THRAP3: variants seen among roughly 807,000 people sequenced by gnomAD.
The protein encoded by THRAP3 is thyroid hormone receptor associated protein 3, also known as thyroid hormone receptor-associated protein 3.
Under a neutral mutation model 101.0 loss-of-function variants are expected in THRAP3, and 16 were observed. That is an observed-to-expected ratio of 0.16 (90% CI 0.11 to 0.24). The LOEUF is 0.24. Among genes scored for constraint, THRAP3 ranks in the 10% least tolerant of loss-of-function variants. The pLI, the probability that THRAP3 is intolerant of heterozygous loss-of-function variation, is 1.00. For missense variants in THRAP3, 989 were observed against 1,202.7 expected, an observed-to-expected ratio of 0.82 and a Z score of 2.63; for synonymous variants, 407 against 422.6, an observed-to-expected ratio of 0.96 and a Z score of 0.45.
In THRAP3 at chr1:36,252,109, G is replaced by A. The variant is rs538431828; in HGVS notation, c.-134-7273G>A. 4.6e-5 allele frequency among the ~76,000 whole-genome samples: 7 copies of A among 152,212 alleles called. No homozygotes were observed. In the East Asian group the frequency reaches 1.3e-3, roughly 29 times the overall value. On this transcript the variant is annotated intron_variant, in intron 1 of 11. Coordinates refer to ENST00000354618, the MANE Select transcript of THRAP3 (RefSeq NM_005119.4). ...TACAGTTTTGAGAATTACTATTCATGAGGGTTTATTTTTATTTTTATTTAT... is the reference window on the plus strand; with the variant it reads ...TACAGTTTTGAGAATTACTATTCATAAGGGTTTATTTTTATTTTTATTTAT...
At chr1:36,284,130 A>T (rs939887246) in intron 3 of THRAP3, among the ~76,000 whole-genome samples, 1 of 152,256 alleles carries the variant, frequency 6.6e-6, no homozygotes, top group African/African-American at 2.4e-5. Flanking sequence ...CCAAGAGGCT[A>T]TGCAACCAAA....
At chr1:36,301,376 G>A (rs1013045068) in intron 10 of THRAP3, among the ~76,000 whole-genome samples, 177 bp from the exon 11 acceptor site, 4 of 152,218 alleles carry the variant, frequency 2.6e-5, no homozygotes, top group Admixed American at 1.3e-4. Flanking sequence ...TGTCCTCTGT[G>A]TAGGCTGCAG....
intron 3 of THRAP3, among the ~76,000 whole-genome samples, chr1:36,284,865 G>A (rs1452657883): frequency 6.6e-6 from 1 of 152,140 alleles, no homozygotes; most frequent in Non-Finnish European, 1.5e-5. Context: ...TTCATAATCT[G>A]CATCTGCCTC....
intron 9 of THRAP3, among the ~76,000 whole-genome samples, chr1:36,299,901 A>G (rs1646010190): frequency 6.6e-6 from 1 of 152,166 alleles, no homozygotes; most frequent in Non-Finnish European, 1.5e-5. Context: ...AGTAACTTAG[A>G]TTTCCCCTTT....
At chr1:36,292,252 G>GTTTTTTTTTTT (rs1557453511) in intron 6 of THRAP3, among the ~76,000 whole-genome samples, 2 of 57,502 alleles carry the variant, frequency 3.5e-5, no homozygotes, top group African/African-American at 5.4e-5. Flanking sequence ...AACATAATGT[G>GTTTTTTTTTTT]TTTCTTTGTT....
intron 2 of THRAP3, among the ~76,000 whole-genome samples, chr1:36,277,557 A>G (rs185475967): frequency 6.6e-6 from 1 of 151,456 alleles, no homozygotes; most frequent in African/African-American, 2.4e-5. Context: ...CCCAGGCTGG[A>G]GTGCAGTGGC....
rs146899173 is a variant in THRAP3, at chr1:36,238,132, G to A, written c.-135+13627G>A. On this transcript the variant is annotated intron_variant, in intron 1 of 11. Transcript: ENST00000354618. ...ACAGGTGTGAGCCACCGCGCCCGGC[G>A]ATTTAGCAAATTTTTTGTAGAGACA... is the stretch of plus-strand genomic sequence containing the variant. 3.8e-3 allele frequency among the ~76,000 whole-genome samples: 581 copies of A among 152,078 alleles called. 3 individuals are homozygous for A. Among genetic ancestry groups the A allele is most frequent in the African/African-American group, 0.013 (548 of 41,482 alleles).
the THRAP3 span, among the ~76,000 whole-genome samples, chr1:36,211,429 T>C: frequency 6.6e-6 from 1 of 151,776 alleles, no homozygotes; most frequent in Admixed American, 6.6e-5. Context: ...TCCCAGCTAC[T>C]TGGGAGGCTA....
In THRAP3 at chr1:36,292,706, A is replaced by G; in HGVS notation, c.2027A>G (p.His676Arg). 1 of 1,610,500 alleles carries G rather than the reference A, an allele frequency of 6.2e-7. No homozygotes were observed. The highest frequency in any genetic ancestry group is 8.5e-7 in the Non-Finnish European group (1 of 1,177,602). Residue 676 changes from histidine (H) to arginine (R), a missense_variant, in exon 7 of 12, where the codon CAC becomes CGC. Physicochemically the swap from His to Arg is conservative, Grantham distance 29. Coordinates refer to ENST00000354618, the MANE Select transcript of THRAP3 (RefSeq NM_005119.4). ...AAAAACAAGAAAAGCCCAGAGATAC[A>G]CAGGTAAGGACCATGGCCTTATACT... ...AAKNKKSPEI[H>R]RRIDISPSTF...
At chr1:36,298,076 G>A (rs1645976052) in intron 9 of THRAP3, among the ~76,000 whole-genome samples, 1 of 148,136 alleles carries the variant, frequency 6.8e-6, no homozygotes, top group African/African-American at 2.5e-5. Flanking sequence ...GAACCTGGGA[G>A]GAGGAGGTTG....
chr1:36,214,002 GAAAGAAA>G, the THRAP3 span, among the ~76,000 whole-genome samples: 795 of 32,124 alleles, frequency 0.025, 3 homozygotes, highest in South Asian at 0.051. Flanking sequence ...AGAAAGGAAA[GAAAGAAA>G]GAAAGAAAGA....
upstream of THRAP3, among the ~76,000 whole-genome samples, chr1:36,222,801 T>G (rs931714641): frequency 1.1e-4 from 16 of 152,332 alleles, 1 homozygote; most frequent in Admixed American, 6.5e-4. Context: ...CACTGGGCAT[T>G]GTATACAGTA....
intron 5 of THRAP3, 59 bp downstream of exon 5, chr1:36,289,823 C>A: frequency 6.6e-7 from 1 of 1,524,566 alleles, no homozygotes; most frequent in Non-Finnish European, 8.8e-7. Flanking sequence ...TGTCGCCTAG[C>A]CTTTCTCCCT....
intron 2 of THRAP3, among the ~76,000 whole-genome samples, chr1:36,270,464 T>C (rs1645575104): frequency 6.6e-6 from 1 of 152,140 alleles, no homozygotes; most frequent in African/African-American, 2.4e-5. Flanking sequence ...ACAGGCCCTT[T>C]TAAACCTTCT....
rs140526649 is a variant in THRAP3, at chr1:36,252,240, C to T, written c.-134-7142C>T. Among the ~76,000 whole-genome samples, 46 of 152,276 alleles carry T rather than the reference C, an allele frequency of 3.0e-4. 1 individual carries two copies. The East Asian group carries it at 8.5e-3, about 28-fold the overall frequency. On this transcript the variant is annotated intron_variant, in intron 1 of 11. Transcript: ENST00000354618. ...TCCCGGGTTGAAGCAATTCTCCTGC[C>T]TCAGCTGCCCAAGCAACTGGAATTA... is the stretch of plus-strand genomic sequence containing the variant.
intron 1 of THRAP3, among the ~76,000 whole-genome samples, chr1:36,257,318 G>T (rs996923228): frequency 2.6e-5 from 4 of 152,174 alleles, no homozygotes; most frequent in Admixed American, 2.0e-4. Flanking sequence ...TAGAATGTCA[G>T]TTCCAGGCAT....
upstream of THRAP3, among the ~76,000 whole-genome samples, chr1:36,220,891 G>A (rs182519796): frequency 1.4e-5 from 2 of 142,058 alleles, no homozygotes; most frequent in East Asian, 4.1e-4. Flanking sequence ...GGGGCGCAGA[G>A]ACTGCAGTGA....
chr1:36,225,109 T>C (rs951869019), intron 1 of THRAP3: 1 of 152,190 alleles, frequency 6.6e-6, no homozygotes, highest in Non-Finnish European at 1.5e-5. Context: ...TGAGGTGAAT[T>C]ATTTTGCTTC....
In THRAP3 at chr1:36,252,940, A is replaced by ATATATATG. The variant is rs1316222444; in HGVS notation, c.-134-6435_-134-6434insGTATATAT. Among the ~76,000 whole-genome samples the ATATATATG allele has an allele frequency of 1.1e-3, 120 of 105,722 alleles. 2 individuals are homozygous for ATATATATG. Among genetic ancestry groups the ATATATATG allele is most frequent in the African/African-American group, 4.4e-3 (117 of 26,872 alleles). 69.4% of individuals were successfully genotyped at this position (105,722 alleles called of 152,430 possible). A position where few individuals can be genotyped will look rare whatever the true frequency, so the allele number is the denominator to read the frequency against. On this transcript the variant is annotated intron_variant, in intron 1 of 11. Coordinates refer to ENST00000354618, the MANE Select transcript of THRAP3 (RefSeq NM_005119.4). ...TATATAGATAGGCATATATATATATATATATATATATATATATATATATAT... is the reference window on the plus strand; with the variant it reads ...TATATAGATAGGCATATATATATATATATATATGTATATATATATATATATATATATAT...
Sources: allele counts gnomAD v4.1 joint callset (sites outside exome capture counted in the v4.1 genomes callset), GRCh38; gene constraint gnomAD v4.1.1; transcripts MANE v1.5; gene names NCBI Gene and HGNC (gene_info 2026-07-23, HGNC 2026-07-21).